The following ADAMTS20 variants were observed in gnomAD, a reference collection of about 807,000 sequenced individuals.
ADAMTS20 encodes the protein ADAM metallopeptidase with thrombospondin type 1 motif 20, also known as A disintegrin and metalloproteinase with thrombospondin motifs 20.
A neutral mutation model predicts 260.1 loss-of-function variants in ADAMTS20; 225 were observed. The ratio of observed to expected loss-of-function variants is 0.87; its 90% confidence interval spans 0.78 to 0.97. The LOEUF (loss-of-function observed/expected upper bound fraction) is 0.97. Ranked by LOEUF, ADAMTS20 falls within the 50% of genes least tolerant of loss-of-function variation. The probability of loss-of-function intolerance (pLI) is 0.00; values close to 1 mark genes in which losing one functional copy is unlikely to be tolerated. For missense variants in ADAMTS20, 2,400 were observed against 2,337.7 expected, an observed-to-expected ratio of 1.03 and a Z score of -0.55; for synonymous variants, 802 against 769.5, an observed-to-expected ratio of 1.04 and a Z score of -0.70.
chr12:43,438,789 T>G (rs1386277744), intron 18 of ADAMTS20, among the ~76,000 whole-genome samples: 8 of 152,178 alleles, frequency 5.3e-5, no homozygotes, highest in Non-Finnish European at 2.9e-5. Context: ...CATGAAAACT[T>G]TTCTTCCATT....
At chr12:43,493,925 T>C (rs576704068) in intron 4 of ADAMTS20, among the ~76,000 whole-genome samples, 2 of 152,302 alleles carry the variant, frequency 1.3e-5, no homozygotes, top group African/African-American at 2.4e-5. Flanking sequence ...TTTTCCAGGA[T>C]TGGAGAATGT....
chr12:43,435,641 T>TAAAAA (rs35112845), intron 18 of ADAMTS20, among the ~76,000 whole-genome samples: 1 of 84,664 alleles, frequency 1.2e-5, no homozygotes, highest in Non-Finnish European at 2.3e-5. Flanking sequence ...ACTCCATTTC[T>TAAAAA]AAAAAAAAAA....
At chr12:43,489,750 G>A (rs1333240286) in intron 7 of ADAMTS20, among the ~76,000 whole-genome samples, 1 of 151,830 alleles carries the variant, frequency 6.6e-6, no homozygotes, top group East Asian at 1.9e-4. Context: ...AGCTCTTCCA[G>A]TGAAGTTCAT....
chr12:43,378,074 C>T (rs1302224627), intron 31 of ADAMTS20, among the ~76,000 whole-genome samples: 2 of 152,152 alleles, frequency 1.3e-5, no homozygotes, highest in Non-Finnish European at 2.9e-5. Flanking sequence ...AAATAGATTT[C>T]TGCTTTTAGC....
In ADAMTS20 at chr12:43,551,046, C is replaced by G. The variant is rs772407349; in HGVS notation, c.316G>C (p.Glu106Gln). Residue 106 changes from glutamate to glutamine, a missense_variant, in exon 2 of 39, where the codon GAG (glutamate) becomes CAG (glutamine). By Grantham distance (29) the Glu-to-Gln change is conservative. Coordinates refer to ENST00000389420, the MANE Select transcript of ADAMTS20 (RefSeq NM_025003.5). The surrounding 1 kb of genome is among the most constrained non-coding windows in gnomAD (Gnocchi z 4.6). ...CGCTCCGGGGTTCCCAAGTGCACCTCGGTGTAGCCGGCGGCCAGAAAGGAT... is the reference window on the plus strand; with the variant it reads ...CGCTCCGGGGTTCCCAAGTGCACCTGGGTGTAGCCGGCGGCCAGAAAGGAT... ...DASFLAAGYT[E>Q]VHLGTPERGA... 3 of 1,613,732 alleles carry G rather than the reference C, an allele frequency of 1.9e-6. No individual in the cohort carries two copies. Among genetic ancestry groups the G allele is most frequent in the South Asian group, 2.2e-5 (2 of 91,054 alleles).
At chr12:43,537,586 C>T (rs1943314489) in intron 2 of ADAMTS20, among the ~76,000 whole-genome samples, 1 of 151,948 alleles carries the variant, frequency 6.6e-6, no homozygotes, top group African/African-American at 2.4e-5. Flanking sequence ...ACTATAGTCA[C>T]CTGTTGTACT....
chr12:43,423,547 T>C, intron 28 of ADAMTS20: 1 of 593,074 alleles, frequency 1.7e-6, no homozygotes, highest in Non-Finnish European at 3.0e-6. Context: ...GCTCTCCTAA[T>C]TGGGAAAAAA....
intron 29 of ADAMTS20, among the ~76,000 whole-genome samples, chr12:43,393,266 GT>G (rs1302588970): frequency 1.3e-5 from 2 of 151,798 alleles, no homozygotes; most frequent in Non-Finnish European, 2.9e-5. Context: ...GTCAAATTTC[GT>G]TTTTTTAAAA....
intron 16 of ADAMTS20, among the ~76,000 whole-genome samples, 185 bp from the exon 17 acceptor site, chr12:43,440,254 T>G (rs1437859563): frequency 1.3e-5 from 2 of 150,600 alleles, no homozygotes; most frequent in African/African-American, 4.9e-5. Flanking sequence ...ATTCAAACAA[T>G]TCTCCTGCCT....
At chr12:43,386,458 G>T (rs1940479869) in intron 29 of ADAMTS20, among the ~76,000 whole-genome samples, 1 of 152,086 alleles carries the variant, frequency 6.6e-6, no homozygotes, top group Admixed American at 6.5e-5. Context: ...TGTCAATTAT[G>T]TGTCTTGGGG....
At chr12:43,378,606 C>T (rs1365435677) in intron 31 of ADAMTS20, among the ~76,000 whole-genome samples, 1 of 152,134 alleles carries the variant, frequency 6.6e-6, no homozygotes. Flanking sequence ...TAATGCAACC[C>T]ATAACAAAAC....
At position 43,502,393 on chromosome 12, in the gene ADAMTS20, T is replaced by G. The variant is rs751165069; in HGVS notation, c.626A>C (p.Lys209Thr). The change falls in exon 4 of 39, where the codon AAG (lysine) becomes ACG (threonine). Residue 209 changes from lysine to threonine, a missense_variant. Physicochemically the swap from Lys to Thr is moderately conservative, Grantham distance 78. Coordinates refer to ENST00000389420, the MANE Select transcript of ADAMTS20 (RefSeq NM_025003.5). ...GGTATGAAAGGGTAAACTGGTTTCC[T>G]TTATTTGACTTTCTAGGGAGAAAAA... Reference protein sequence around the residue: ...KYCSVSESQIKETSLPFHTYS... With the variant: ...KYCSVSESQITETSLPFHTYS... 4.4e-6 allele frequency: 7 copies of G among 1,583,004 alleles called. No homozygotes were observed. The Admixed American group carries it at 1.2e-4, about 27-fold the overall frequency.
intron 2 of ADAMTS20, among the ~76,000 whole-genome samples, chr12:43,534,772 GAAAC>G (rs1943271278): frequency 6.6e-6 from 1 of 152,122 alleles, no homozygotes; most frequent in Non-Finnish European, 1.5e-5. Flanking sequence ...AATAAAGGAA[GAAAC>G]CCTAAAACTA....
At chr12:43,452,048 C>T (rs1941873531) in intron 14 of ADAMTS20, among the ~76,000 whole-genome samples, 1 of 152,028 alleles carries the variant, frequency 6.6e-6, no homozygotes, top group African/African-American at 2.4e-5. Flanking sequence ...CACAGAAAGT[C>T]ATCAAATTTA....
chr12:43,378,195 G>A (rs1024858721), intron 31 of ADAMTS20, among the ~76,000 whole-genome samples: 1 of 152,132 alleles, frequency 6.6e-6, no homozygotes, highest in Non-Finnish European at 1.5e-5. Context: ...GGACAGTAAA[G>A]AATAGTAATC....
intron 7 of ADAMTS20, among the ~76,000 whole-genome samples, chr12:43,473,152 C>A: frequency 1.7e-5 from 1 of 60,418 alleles, no homozygotes; most frequent in Non-Finnish European, 3.2e-5. Flanking sequence ...ATCTACCAAG[C>A]AAATGGAAAA....
At chr12:43,482,723 T>C (rs922982128) in intron 7 of ADAMTS20, among the ~76,000 whole-genome samples, 2 of 152,142 alleles carry the variant, frequency 1.3e-5, no homozygotes, top group African/African-American at 4.8e-5. Context: ...ACAAGGACAC[T>C]TGGGAGTTCC....
At chr12:43,365,347 T>C (rs1368524248) in intron 37 of ADAMTS20, among the ~76,000 whole-genome samples, 1 of 152,108 alleles carries the variant, frequency 6.6e-6, no homozygotes, top group South Asian at 2.1e-4. Context: ...ATTATGTAGA[T>C]AATTATAAAA....
chr12:43,517,828 C>A, intron 3 of ADAMTS20, among the ~76,000 whole-genome samples: 1 of 151,898 alleles, frequency 6.6e-6, no homozygotes, highest in East Asian at 1.9e-4. Context: ...CACAAATAGA[C>A]CAATGGAAGA....
Sources: allele counts gnomAD v4.1 joint callset (sites outside exome capture counted in the v4.1 genomes callset), GRCh38; gene constraint gnomAD v4.1.1; non-coding constraint Gnocchi (gnomAD v3.1); transcripts MANE v1.5; gene names NCBI Gene and HGNC (gene_info 2026-07-23, HGNC 2026-07-21).